The following HIVEP1 variants were observed in gnomAD, a reference collection of about 807,000 sequenced individuals.
The protein encoded by HIVEP1 is zinc finger protein 40.
HIVEP1 carries 36 observed loss-of-function variants against 180.0 expected under a neutral mutation model. The observed-to-expected ratio is 0.20, with a 90% CI of 0.15 to 0.26. The LOEUF (loss-of-function observed/expected upper bound fraction) is 0.26. Among genes scored for constraint, HIVEP1 ranks in the 10% least tolerant of loss-of-function variants. The pLI is 1.00. For synonymous variants in HIVEP1, 1,239 were observed against 1,239.0 expected (o/e 1.00, Z 0.00); for missense variants, 3,143 against 3,268.7 (o/e 0.96, Z 0.94).
chr6:12,121,707 C>G lies in HIVEP1; in HGVS notation c.1912C>G (p.His638Asp). 1 of 1,614,208 alleles carries G rather than the reference C, an allele frequency of 6.2e-7. No individual in the cohort carries two copies. ...MNPLEGKQDSHVGTVHAQLQR... is the reference protein window; with the variant it reads ...MNPLEGKQDSDVGTVHAQLQR... ...TCCACTGGAAGGAAAGCAAGACTCT[C>G]ACGTAGGAACGGTACACGCCCAGCT... The change falls in exon 4 of 9, where the codon CAC becomes GAC. Residue 638 changes from histidine (H) to aspartate (D), a missense_variant. Physicochemically the swap from His to Asp is moderately conservative, Grantham distance 81. Coordinates refer to ENST00000379388, the MANE Select transcript of HIVEP1 (RefSeq NM_002114.4). This position sits in a 1 kb window ranked among gnomAD's most constrained non-coding sequence, Gnocchi z 5.3.
intron 2 of HIVEP1, among the ~76,000 whole-genome samples, chr6:12,081,733 T>A (rs1473440343): frequency 6.6e-6 from 1 of 152,142 alleles, no homozygotes; most frequent in African/African-American, 2.4e-5. Context: ...GTCAAAACTG[T>A]TTTCCTTTGA....
intron 7 of HIVEP1, among the ~76,000 whole-genome samples, chr6:12,149,642 G>T (rs1283854837): frequency 6.6e-6 from 1 of 152,120 alleles, no homozygotes; most frequent in Non-Finnish European, 1.5e-5. Flanking sequence ...CCTTACATGT[G>T]CATTGTTTTG....
chr6:12,032,359 G>T (rs1315019932), intron 2 of HIVEP1, among the ~76,000 whole-genome samples: 1 of 151,878 alleles, frequency 6.6e-6, no homozygotes, highest in Non-Finnish European at 1.5e-5. Flanking sequence ...AGCCAGGATG[G>T]TCTCGATTTC....
chr6:12,210,972 AT>A, the HIVEP1 span, among the ~76,000 whole-genome samples: 1 of 151,930 alleles, frequency 6.6e-6, no homozygotes, highest in Non-Finnish European at 1.5e-5. Flanking sequence ...TATGAGTCAC[AT>A]TTACTTTTAC....
Position 12,120,905 on chromosome 6 carries a change from C to T in HIVEP1, c.1110C>T (p.Pro370=), listed in dbSNP as rs374362134. 4.1e-5 allele frequency: 66 copies of T among 1,614,190 alleles called. No homozygotes were observed. In the East Asian group the frequency reaches 9.1e-4, roughly 22 times the overall value. Residue 370 remains proline, a synonymous_variant, in exon 4 of 9, where the codon CCC becomes CCT. Coordinates refer to ENST00000379388, the MANE Select transcript of HIVEP1 (RefSeq NM_002114.4). ...CGGCTAATTCTACACAGTCGCCCCC[C>T]ATGCCAATCTATAATTCAACTCATG... ...ISPANSTQSP[P]MPIYNSTHVA...
At chr6:12,021,904 A>T (rs1482681759) in intron 2 of HIVEP1, among the ~76,000 whole-genome samples, 1 of 152,072 alleles carries the variant, frequency 6.6e-6, no homozygotes, top group African/African-American at 2.4e-5. Flanking sequence ...ACCTCAAGTG[A>T]TCCACCCGCC....
Position 12,161,618 on chromosome 6 carries a change from C to CAGG in HIVEP1, c.6669_6671dup (p.Gln2223_Asp2224insGlu). The stretch of plus-strand genomic sequence containing the variant: ...GCACCTTCCATCTAGAAGTAGCCTT[C>CAGG]AGGACCCTGTGAGTACTGACGAGGA... On this transcript the variant is annotated inframe_insertion, in exon 8 of 9. Coordinates refer to ENST00000379388, the MANE Select transcript of HIVEP1 (RefSeq NM_002114.4). The CAGG allele has an allele frequency of 6.2e-7, 1 of 1,614,146 alleles. No homozygotes were observed. Among genetic ancestry groups the CAGG allele is most frequent in the Non-Finnish European group, 8.5e-7 (1 of 1,180,010 alleles).
Position 12,164,502 on chromosome 6 carries a change from TAAAGGTTTCTTTG to T in HIVEP1, c.*45_*57del. 6.9e-7 allele frequency: 1 copy of T among 1,450,626 alleles called. No individual in the cohort carries two copies. Among genetic ancestry groups the T allele is most frequent in the Non-Finnish European group, 9.3e-7 (1 of 1,076,160 alleles). 89.9% of individuals were successfully genotyped at this position (1,450,626 alleles called of 1,614,324 possible). Reference sequence around the variant, plus strand: ...ATTTGCTTTTTTTTTATATAACACTTAAAGGTTTCTTTGAAAACCCTCCTTTCCTTAAAGCACA... The same window carrying T: ...ATTTGCTTTTTTTTTATATAACACTTAAAACCCTCCTTTCCTTAAAGCACA... On this transcript the variant is annotated 3_prime_UTR_variant, in exon 9 of 9. Transcript: ENST00000379388.
intron 3 of HIVEP1, among the ~76,000 whole-genome samples, chr6:12,103,141 T>G (rs1181389457): frequency 3.3e-5 from 5 of 151,618 alleles, no homozygotes; most frequent in Non-Finnish European, 5.9e-5. Context: ...TGTAGCCATT[T>G]TGTCCTAGTA....
At chr6:12,061,132 C>G (rs1004587907) in intron 2 of HIVEP1, among the ~76,000 whole-genome samples, 2 of 152,006 alleles carry the variant, frequency 1.3e-5, no homozygotes, top group Admixed American at 1.3e-4. Context: ...GTGCACATAC[C>G]CCTGGGTGTG....
chr6:12,010,257 C>A (rs541311537), upstream of HIVEP1, among the ~76,000 whole-genome samples: 3 of 152,332 alleles, frequency 2.0e-5, no homozygotes, highest in African/African-American at 7.2e-5. Flanking sequence ...TGTACATGTA[C>A]ACAGTTGGAT....
At chr6:12,054,760 A>G (rs1367506732) in intron 2 of HIVEP1, among the ~76,000 whole-genome samples, 1 of 152,226 alleles carries the variant, frequency 6.6e-6, no homozygotes, top group Non-Finnish European at 1.5e-5. Context: ...TGATTTCATG[A>G]CATAGCATAT....
the HIVEP1 span, among the ~76,000 whole-genome samples, chr6:12,197,421 T>C: frequency 6.6e-6 from 1 of 151,424 alleles, no homozygotes; most frequent in Non-Finnish European, 1.5e-5. Context: ...TAGCCAGGTG[T>C]GGTGGCATGT....
At chr6:12,079,585 A>G (rs1772631602) in intron 2 of HIVEP1, among the ~76,000 whole-genome samples, 2 of 152,108 alleles carry the variant, frequency 1.3e-5, no homozygotes, top group Admixed American at 6.6e-5. Context: ...TCCCTTAACT[A>G]CTTGCATTTT....
At chr6:12,149,412 T>C (rs889895402) in intron 7 of HIVEP1, among the ~76,000 whole-genome samples, 2 of 152,184 alleles carry the variant, frequency 1.3e-5, no homozygotes, top group Non-Finnish European at 2.9e-5. Flanking sequence ...TTAACTGATC[T>C]TTTCTGTAGC....
intron 3 of HIVEP1, among the ~76,000 whole-genome samples, chr6:12,099,253 C>T (rs1773963123): frequency 1.3e-5 from 2 of 149,914 alleles, no homozygotes; most frequent in South Asian, 4.2e-4. Flanking sequence ...GGGATCTCGG[C>T]TCACTGCGGG....
At chr6:12,101,174 A>G (rs899117538) in intron 3 of HIVEP1, among the ~76,000 whole-genome samples, 2 of 152,344 alleles carry the variant, frequency 1.3e-5, no homozygotes, top group South Asian at 2.1e-4. Context: ...ATCATAGCCA[A>G]AGAGGACCTG....
intron 2 of HIVEP1, among the ~76,000 whole-genome samples, chr6:12,064,909 C>T (rs1222534500): frequency 1.3e-5 from 2 of 152,176 alleles, no homozygotes; most frequent in African/African-American, 2.4e-5. Flanking sequence ...TCTTTCCCTC[C>T]AACAGATGTG....
At chr6:12,037,934 T>C in intron 2 of HIVEP1, 1 of 389,522 alleles carries the variant, frequency 2.6e-6, no homozygotes, top group Non-Finnish European at 4.5e-6. Flanking sequence ...AGACTGGTCT[T>C]GAACTCCCAG....
Sources: allele counts gnomAD v4.1 joint callset (sites outside exome capture counted in the v4.1 genomes callset), GRCh38; gene constraint gnomAD v4.1.1; non-coding constraint Gnocchi (gnomAD v3.1); transcripts MANE v1.5; gene names NCBI Gene and HGNC (gene_info 2026-07-23, HGNC 2026-07-21).